The following NTM variants were observed in gnomAD, a reference collection of about 807,000 sequenced individuals.
NTM encodes the protein neurotrimin.
In NTM, 13 loss-of-function variants were observed where a neutral mutation model predicts 42.1. That is an observed-to-expected ratio of 0.31 (90% CI 0.20 to 0.49). The LOEUF is 0.49. Ranked by LOEUF, NTM falls within the 20% of genes least tolerant of loss-of-function variation. NTM has a pLI of 0.99. For missense variants in NTM, 373 were observed against 452.8 expected (o/e 0.82, Z 1.60); for synonymous variants, 187 against 179.2 (o/e 1.04, Z -0.35).
chr11:132,066,251 T>C (rs1019936510), intron 2 of NTM, among the ~76,000 whole-genome samples: 1 of 152,242 alleles, frequency 6.6e-6, no homozygotes, highest in Admixed American at 6.5e-5. Context: ...CCAAATGCTC[T>C]GCTCTCTGTG....
chr11:131,870,475 G>C (rs932034958), intron 1 of NTM, among the ~76,000 whole-genome samples: 1 of 152,082 alleles, frequency 6.6e-6, no homozygotes, highest in Admixed American at 6.5e-5. Flanking sequence ...CCGCCTGATG[G>C]GTGCCCCAGC....
chr11:132,237,169 G>A (rs572864367), intron 4 of NTM, among the ~76,000 whole-genome samples: 3 of 152,328 alleles, frequency 2.0e-5, no homozygotes, highest in East Asian at 1.9e-4. Context: ...GTAAACGTCC[G>A]GAACATGGGT....
intron 3 of NTM, among the ~76,000 whole-genome samples, chr11:132,150,671 G>A (rs1320403237): frequency 6.6e-6 from 1 of 151,976 alleles, no homozygotes; most frequent in African/African-American, 2.4e-5. Flanking sequence ...ATGGAGTAAT[G>A]GAGTTCCTAG....
chr11:131,494,082 C>A (rs189131030), intron 1 of NTM, among the ~76,000 whole-genome samples: 278 of 152,300 alleles, frequency 1.8e-3, no homozygotes, highest in Non-Finnish European at 3.1e-3. Flanking sequence ...AATGCACTTT[C>A]CCCTGTCTCT....
At chr11:131,655,840 C>T (rs961563393) in intron 1 of NTM, among the ~76,000 whole-genome samples, 5 of 152,238 alleles carry the variant, frequency 3.3e-5, no homozygotes, top group African/African-American at 4.8e-5. Context: ...TTCTAGTCTC[C>T]ACTGGAAGAC....
intron 1 of NTM, among the ~76,000 whole-genome samples, chr11:131,820,659 T>C (rs970334006): frequency 2.0e-5 from 3 of 152,196 alleles, no homozygotes; most frequent in South Asian, 2.1e-4. Context: ...TCCATTTACA[T>C]TTCTACCATA....
chr11:132,127,845 C>T (rs946102691), intron 2 of NTM, among the ~76,000 whole-genome samples: 2 of 152,116 alleles, frequency 1.3e-5, no homozygotes, highest in African/African-American at 4.8e-5. Flanking sequence ...AGTGTCATGC[C>T]GGCAGACTTA....
chr11:131,610,409 C>T (rs933454736), intron 1 of NTM, among the ~76,000 whole-genome samples: 1 of 152,130 alleles, frequency 6.6e-6, no homozygotes, highest in Non-Finnish European at 1.5e-5. Flanking sequence ...GCTTTTGGCC[C>T]ACGGAATTCA....
At chr11:131,414,531 G>T (rs1312104956) in intron 1 of NTM, among the ~76,000 whole-genome samples, 1 of 152,162 alleles carries the variant, frequency 6.6e-6, no homozygotes, top group African/African-American at 2.4e-5. Context: ...TGAAGTTCAG[G>T]AGCATTCGGG....
intron 1 of NTM, among the ~76,000 whole-genome samples, chr11:131,374,802 C>T (rs1289651293): frequency 6.6e-6 from 1 of 152,154 alleles, no homozygotes; most frequent in Non-Finnish European, 1.5e-5. Flanking sequence ...ATTTCTGAAT[C>T]AATATGGGGC....
intron 1 of NTM, among the ~76,000 whole-genome samples, chr11:131,597,359 C>T (rs943328334): frequency 1.7e-4 from 26 of 152,106 alleles, no homozygotes; most frequent in South Asian, 1.0e-3. Flanking sequence ...CCCTTTCCCC[C>T]TCACCCTGCC....
intron 2 of NTM, among the ~76,000 whole-genome samples, chr11:132,043,767 G>A (rs2077516049): frequency 6.6e-6 from 1 of 152,216 alleles, no homozygotes; most frequent in South Asian, 2.1e-4. Context: ...GTAGTATCAG[G>A]TGGTGTCTGG....
chr11:132,228,879 C>G (rs141300931), intron 4 of NTM, among the ~76,000 whole-genome samples: 254 of 152,246 alleles, frequency 1.7e-3, no homozygotes, highest in African/African-American at 5.8e-3. Flanking sequence ...TCATGGTTAT[C>G]AGGACCTCTT....
intron 1 of NTM, among the ~76,000 whole-genome samples, chr11:131,502,164 C>T (rs1390426777): frequency 6.6e-6 from 1 of 151,974 alleles, no homozygotes; most frequent in African/African-American, 2.4e-5. Context: ...ATGTTGAAAT[C>T]CTCACCCCCC....
At chr11:131,627,015 C>T (rs188596844) in intron 1 of NTM, among the ~76,000 whole-genome samples, 62 of 152,242 alleles carry the variant, frequency 4.1e-4, no homozygotes, top group African/African-American at 1.3e-3. Flanking sequence ...GAGGATCTGG[C>T]GTGTTTGACA....
At chr11:131,720,645 C>T (rs989688893) in intron 1 of NTM, among the ~76,000 whole-genome samples, 9 of 152,326 alleles carry the variant, frequency 5.9e-5, no homozygotes, top group Non-Finnish European at 1.2e-4. Flanking sequence ...TCTATGACAT[C>T]ATTCTGCCTT....
intron 3 of NTM, among the ~76,000 whole-genome samples, chr11:132,173,241 C>T (rs1451528256): frequency 6.6e-6 from 1 of 152,196 alleles, no homozygotes; most frequent in Non-Finnish European, 1.5e-5. Context: ...GCTATGTCCT[C>T]TATACACATT....
chr11:131,420,788 T>G (rs1947422802), intron 1 of NTM, among the ~76,000 whole-genome samples: 1 of 152,208 alleles, frequency 6.6e-6, no homozygotes, highest in South Asian at 2.1e-4. Context: ...TTATTTCTTT[T>G]TCATTTTTTA....
chr11:131,971,624 A>T (rs1052972458), intron 2 of NTM, among the ~76,000 whole-genome samples: 1 of 151,834 alleles, frequency 6.6e-6, no homozygotes, highest in African/African-American at 2.4e-5. Flanking sequence ...CCAAATCTTA[A>T]CTCTGCCTCT....
Sources: gnomAD v4.1 joint callset for allele counts (sites outside exome capture counted in the v4.1 genomes callset) on GRCh38, gnomAD v4.1.1 for gene constraint, MANE v1.5 for transcripts, NCBI Gene and HGNC (gene_info 2026-07-23, HGNC 2026-07-21) for gene names.